Variants in TPCN1 observed in about 807,000 individuals in gnomAD.
TPCN1 encodes two pore channel protein 1.
In TPCN1, 52 loss-of-function variants were observed where a neutral mutation model predicts 108.8. The ratio of observed to expected loss-of-function variants is 0.48; its 90% CI spans 0.38 to 0.60. TPCN1 has a LOEUF of 0.60. TPCN1 is among the 20% of genes least tolerant of loss of function. TPCN1 has a pLI of 0.00. For missense variants in TPCN1, 806 were observed against 1,072.8 expected (o/e 0.75, Z 3.47); for synonymous variants, 446 against 433.7 (o/e 1.03, Z -0.35).
chr12:113,225,128 C>CA, intron 1 of TPCN1: 3 of 389,106 alleles, frequency 7.7e-6, no homozygotes, highest in South Asian at 5.6e-5. Context: ...GATCATAGCT[C>CA]ACTATAACCT....
intron 2 of TPCN1, among the ~76,000 whole-genome samples, chr12:113,250,541 G>A (rs960509351): frequency 6.6e-5 from 10 of 152,254 alleles, no homozygotes; most frequent in African/African-American, 2.2e-4. Flanking sequence ...AGTTCCTACA[G>A]TCCCCACTAA....
In TPCN1 at chr12:113,266,406, G is replaced by A; in HGVS notation, c.414+50G>A. ...GGGGGCTGGGAGCCACGGCTTTCAG[G>A]GCAAGCGATGGAACTCCAAAAAGGA... On this transcript the variant is annotated intron_variant, in intron 4 of 27. Transcript: ENST00000335509. This position sits in a 1 kb window ranked among gnomAD's most constrained non-coding sequence, Gnocchi z 4.2. 3 of 1,587,596 alleles carry A rather than the reference G, an allele frequency of 1.9e-6. No individual in the cohort carries two copies. The highest frequency in any genetic ancestry group is 1.3e-5 in the African/African-American group (1 of 74,726).
chr12:113,286,384 C>G (rs550666488), intron 18 of TPCN1, among the ~76,000 whole-genome samples: 142 of 129,004 alleles, frequency 1.1e-3, no homozygotes, highest in African/African-American at 3.7e-3. Flanking sequence ...TCAAGTTAAC[C>G]GGCCTGTGAA....
intron 27 of TPCN1, 92 bp downstream of exon 27, chr12:113,293,441 A>G: frequency 1.6e-6 from 2 of 1,216,772 alleles, no homozygotes; most frequent in Non-Finnish European, 2.4e-6. Context: ...GAGTAGAGGG[A>G]GAAGGCTGGT....
chr12:113,268,785 T>G lies in TPCN1; in HGVS notation c.572T>G (p.Leu191Trp). 1 of 1,614,070 alleles carries G rather than the reference T, an allele frequency of 6.2e-7. No homozygotes were observed. Among genetic ancestry groups the G allele is most frequent in the Non-Finnish European group, 8.5e-7 (1 of 1,180,026 alleles). Reference protein sequence around the residue: ...VVQFVEAIVVLVRQMSHVRVT... With the variant: ...VVQFVEAIVVWVRQMSHVRVT... ...CAGTTTGTCGAGGCCATCGTGGTGT[T>G]GGTACGGCAGATGTCCCATGTGCGG... Residue 191 changes from leucine (L) to tryptophan (W), a missense_variant, in exon 6 of 28, where the codon TTG becomes TGG. Transcript: ENST00000335509. The surrounding 1 kb of genome is among the most constrained non-coding windows in gnomAD (Gnocchi z 7.3).
At chr12:113,228,858 G>A (rs1953571671) in intron 2 of TPCN1, among the ~76,000 whole-genome samples, 1 of 152,202 alleles carries the variant, frequency 6.6e-6, no homozygotes. Context: ...AGAGAGGAAT[G>A]CTGCCTAGTG....
chr12:113,255,011 C>T (rs562942711), intron 2 of TPCN1, among the ~76,000 whole-genome samples: 2 of 152,326 alleles, frequency 1.3e-5, no homozygotes, highest in South Asian at 2.1e-4. Flanking sequence ...CCCTTCTCAT[C>T]ATTTTTATTC....
rs1244577714 is a variant in TPCN1 at position 113,266,895 on chromosome 12, G to T, written c.414+539G>T. Among the ~76,000 whole-genome samples the T allele has an allele frequency of 6.6e-6, 1 of 152,216 alleles. No individual in the cohort carries two copies. Among genetic ancestry groups the T allele is most frequent in the African/African-American group, 2.4e-5 (1 of 41,458 alleles). On this transcript the variant is annotated intron_variant, in intron 4 of 27. Transcript: ENST00000335509. The surrounding 1 kb of genome is among the most constrained non-coding windows in gnomAD (Gnocchi z 4.2). ...GAGCCTGTGCCTGTTGAGTTAGGAA[G>T]CGCTCATCCAGCCTGGCCTCCAAGG...
At chr12:113,245,313 G>C (rs770061970) in intron 2 of TPCN1, among the ~76,000 whole-genome samples, 3 of 147,672 alleles carry the variant, frequency 2.0e-5, no homozygotes, top group Non-Finnish European at 4.5e-5. Flanking sequence ...GGTTAGAAAA[G>C]GGGGCTGGGC....
rs1012686543 is a variant in TPCN1 at position 113,284,079 on chromosome 12, A to G, written c.1343-502A>G. Among the ~76,000 whole-genome samples the G allele has an allele frequency of 6.6e-6, 1 of 152,260 alleles. No homozygotes were observed. The highest frequency in any genetic ancestry group is 1.5e-5 in the Non-Finnish European group (1 of 68,040). ...TTGAGATTGTTGCCAGTGTTTTGCTATCACAATAGTGCTGCGGTGAGTAGC... is the reference window on the plus strand; with the variant it reads ...TTGAGATTGTTGCCAGTGTTTTGCTGTCACAATAGTGCTGCGGTGAGTAGC... On this transcript the variant is annotated intron_variant, in intron 15 of 27. Coordinates refer to ENST00000335509, the MANE Select transcript of TPCN1 (RefSeq NM_017901.6). This position sits in a 1 kb window ranked among gnomAD's most constrained non-coding sequence, Gnocchi z 4.1.
intron 22 of TPCN1, among the ~76,000 whole-genome samples, chr12:113,290,601 G>A (rs1029915720): frequency 6.6e-6 from 1 of 152,232 alleles, no homozygotes; most frequent in African/African-American, 2.4e-5. Flanking sequence ...ACTGCACACA[G>A]CCCTCTGCCC....
intron 3 of TPCN1, among the ~76,000 whole-genome samples, chr12:113,262,699 C>T (rs1955088152): frequency 6.6e-6 from 1 of 152,148 alleles, no homozygotes; most frequent in African/African-American, 2.4e-5. Flanking sequence ...CCTGATCATT[C>T]CTTCCTTTCC....
Position 113,268,672 on chromosome 12 carries a change from C to G in TPCN1, c.529-70C>G. On this transcript the variant is annotated intron_variant, in intron 5 of 27. Transcript: ENST00000335509. This position sits in a 1 kb window ranked among gnomAD's most constrained non-coding sequence, Gnocchi z 7.3. ...AGAGTGGGCACTGCCTCTCCAGCCC[C>G]CCGTTCCAGGTATGCAGGATGACGG... The G allele has an allele frequency of 6.3e-7, 1 of 1,586,638 alleles. No individual in the cohort carries two copies.
At position 113,232,099 on chromosome 12, in the gene TPCN1, G is replaced by A. The variant is rs765523948; in HGVS notation, c.112+5135G>A. ...TGAGTGAAGGAAGGATTGGGCTCGC[G>A]GGGGCTGGCTGAGGTCTGAGCAGGA... On this transcript the variant is annotated intron_variant, in intron 2 of 27. Coordinates refer to ENST00000335509, the MANE Select transcript of TPCN1 (RefSeq NM_017901.6). This position sits in a 1 kb window ranked among gnomAD's most constrained non-coding sequence, Gnocchi z 5.6. 3.3e-5 allele frequency among the ~76,000 whole-genome samples: 5 copies of A among 152,210 alleles called. No individual in the cohort carries two copies. Among genetic ancestry groups the A allele is most frequent in the African/African-American group, 4.8e-5 (2 of 41,450 alleles).
chr12:113,290,817 C>T (rs11614436), intron 22 of TPCN1, 135 bp from the exon 23 acceptor site: 14,044 of 809,554 alleles, frequency 0.017, 166 homozygotes, highest in Non-Finnish European at 0.021. Flanking sequence ...TTTCCTGGAG[C>T]TCACAACCCA....
intron 2 of TPCN1, chr12:113,244,635 T>A (rs969732318): frequency 1.0e-6 from 1 of 985,294 alleles, no homozygotes; most frequent in Non-Finnish European, 1.2e-6. Flanking sequence ...CTCTCCTCTT[T>A]GAGCTCTTTC....
chr12:113,282,709 A>G (rs1955929902), intron 15 of TPCN1, among the ~76,000 whole-genome samples: 1 of 149,696 alleles, frequency 6.7e-6, no homozygotes, highest in Non-Finnish European at 1.5e-5. Context: ...GTGTGCCATG[A>G]TCGCGCCACT....
Position 113,238,150 on chromosome 12 carries a change from C to G in TPCN1, c.112+11186C>G, listed in dbSNP as rs142550661. 1.8e-4 allele frequency among the ~76,000 whole-genome samples: 27 copies of G among 152,304 alleles called. No homozygotes were observed. In the East Asian group the frequency reaches 4.4e-3, roughly 25 times the overall value. On this transcript the variant is annotated intron_variant, in intron 2 of 27. Transcript: ENST00000335509. ...CTGCCTTTCCCACTTAGTGGAGAAA[C>G]CTATCCTCATAGCCACACTTCCGGT...
rs1955372422 is a variant in TPCN1, at chr12:113,268,659, G to A, written c.529-83G>A. 9.6e-6 allele frequency: 15 copies of A among 1,556,162 alleles called. No individual in the cohort carries two copies. The South Asian group carries it at 1.3e-4, about 13-fold the overall frequency. ...GCCTCCCGAGGCCAGAGTGGGCACTGCCTCTCCAGCCCCCCGTTCCAGGTA... is the reference window on the plus strand; with the variant it reads ...GCCTCCCGAGGCCAGAGTGGGCACTACCTCTCCAGCCCCCCGTTCCAGGTA... On this transcript the variant is annotated intron_variant, in intron 5 of 27. Transcript: ENST00000335509. The surrounding 1 kb of genome is among the most constrained non-coding windows in gnomAD (Gnocchi z 7.3).
Sources: gnomAD v4.1 joint callset for allele counts (sites outside exome capture counted in the v4.1 genomes callset) on GRCh38, gnomAD v4.1.1 for gene constraint, Gnocchi (gnomAD v3.1) non-coding constraint, MANE v1.5 for transcripts, NCBI Gene and HGNC (gene_info 2026-07-23, HGNC 2026-07-21) for gene names.